NOS2: variants seen among roughly 807,000 people sequenced by gnomAD.
NOS2 encodes nitric oxide synthase 2, also known as nitric oxide synthase, inducible.
In NOS2, 96 loss-of-function variants were observed where a neutral mutation model predicts 136.0. The ratio of observed to expected loss-of-function variants is 0.71; its 90% confidence interval spans 0.60 to 0.84. NOS2 has a LOEUF of 0.84. NOS2 is among the 40% of genes least tolerant of loss of function. The pLI is 0.00. For synonymous variants in NOS2, 539 were observed against 587.5 expected (o/e 0.92, Z 1.20); for missense variants, 1,237 against 1,496.9 (o/e 0.83, Z 2.87).
chr17:27,780,690 G>A (rs535078977), intron 9 of NOS2, 77 bp downstream of exon 9: 3 of 1,596,088 alleles, frequency 1.9e-6, no homozygotes, highest in Non-Finnish European at 2.6e-6. Context: ...GTATGGGGAA[G>A]GCTGGAGCCG....
At chr17:27,764,523 A>C (rs1908235028) in intron 20 of NOS2, among the ~76,000 whole-genome samples, 1 of 152,246 alleles carries the variant, frequency 6.6e-6, no homozygotes, top group Non-Finnish European at 1.5e-5. Context: ...CCATGACTGC[A>C]GTCCCCTGGG....
chr17:27,769,086 T>C lies in NOS2; in HGVS notation c.1925A>G (p.Asp642Gly). Residue 642 changes from aspartate to glycine, a missense_variant, in exon 17 of 27, where the codon GAT becomes GGT. Transcript: ENST00000313735. ...GGCCCCCAGGTGGGACAGCTTCTGA[T>C]CAATGTCATGAGCAAAGGCGCAGAA... Reference protein sequence around the residue: ...PRFCAFAHDIDQKLSHLGASQ... With the variant: ...PRFCAFAHDIGQKLSHLGASQ... The C allele has an allele frequency of 6.2e-7, 1 of 1,612,972 alleles. No homozygotes were observed. Among genetic ancestry groups the C allele is most frequent in the South Asian group, 1.1e-5 (1 of 90,854 alleles).
intron 14 of NOS2, among the ~76,000 whole-genome samples, chr17:27,771,517 C>A (rs1161824466): frequency 1.3e-5 from 2 of 152,216 alleles, no homozygotes; most frequent in African/African-American, 4.8e-5. Flanking sequence ...GGCTTGGACC[C>A]AAGAGGTGTT....
intron 22 of NOS2, among the ~76,000 whole-genome samples, chr17:27,761,949 T>C (rs923444046): frequency 1.3e-5 from 2 of 152,306 alleles, no homozygotes; most frequent in Admixed American, 6.5e-5. Flanking sequence ...GCAGGGCAAA[T>C]AGAGTCTCTG....
intron 18 of NOS2, among the ~76,000 whole-genome samples, 196 bp from the exon 19 acceptor site, chr17:27,766,784 T>C (rs1338931326): frequency 6.6e-6 from 1 of 152,084 alleles, no homozygotes; most frequent in Non-Finnish European, 1.5e-5. Flanking sequence ...TGGTGGCTCA[T>C]GCCTGTAATC....
chr17:27,786,144 C>T (rs997978623), intron 5 of NOS2, among the ~76,000 whole-genome samples: 1 of 151,564 alleles, frequency 6.6e-6, no homozygotes, highest in Non-Finnish European at 1.5e-5. Context: ...ATTTCTGGGC[C>T]GGGCTCGGTG....
At position 27,794,696 on chromosome 17, in the gene NOS2, A is replaced by T. The variant is rs557631015; in HGVS notation, c.110+4004T>A. ...TTGCCTTTGTCCCTAAAATACACAC[A>T]TGCGTACACACACACGCGCACACAC... On this transcript the variant is annotated intron_variant, in intron 2 of 26. Transcript: ENST00000313735. Among the ~76,000 whole-genome samples, 10 of 148,718 alleles carry T rather than the reference A, an allele frequency of 6.7e-5. No homozygotes were observed. In the East Asian group the frequency reaches 1.8e-3, roughly 26 times the overall value.
intron 13 of NOS2, among the ~76,000 whole-genome samples, chr17:27,772,786 G>A (rs949710936): frequency 1.3e-5 from 2 of 152,102 alleles, no homozygotes; most frequent in Non-Finnish European, 2.9e-5. Flanking sequence ...TGTAATCCCA[G>A]CACTTTGGGA....
intron 25 of NOS2, 82 bp from the exon 26 acceptor site, chr17:27,759,157 C>A (rs183352670): frequency 1.9e-6 from 2 of 1,030,076 alleles, no homozygotes; most frequent in East Asian, 5.9e-5. Context: ...CTCAAGGAGG[C>A]GGGGAGAGGG....
At chr17:27,790,851 T>C (rs1454352726) in intron 2 of NOS2, among the ~76,000 whole-genome samples, 1 of 152,222 alleles carries the variant, frequency 6.6e-6, no homozygotes, top group Admixed American at 6.5e-5. Flanking sequence ...CACTCACACA[T>C]GCCTCCCCTA....
At chr17:27,799,387 C>G (rs1394127093) in intron 1 of NOS2, among the ~76,000 whole-genome samples, 6 of 152,216 alleles carry the variant, frequency 3.9e-5, no homozygotes, top group Non-Finnish European at 8.8e-5. Context: ...TGTTCTAACT[C>G]AGCATTATTA....
At chr17:27,760,225 G>T (rs1465742335) in intron 24 of NOS2, 47 bp from the exon 25 acceptor site, 2 of 1,495,078 alleles carry the variant, frequency 1.3e-6, no homozygotes, top group African/African-American at 2.8e-5. Flanking sequence ...ACCAGAGGGC[G>T]CCAGGGCTCC....
chr17:27,778,654 CAA>C, intron 11 of NOS2, 34 bp downstream of exon 11: 1 of 1,551,902 alleles, frequency 6.4e-7, no homozygotes, highest in Non-Finnish European at 8.9e-7. Flanking sequence ...AGCTTCTCAC[CAA>C]AAAGTCTTCA....
At chr17:27,782,896 G>T (rs1039891518) in intron 6 of NOS2, 48 bp downstream of exon 6, 23 of 1,595,628 alleles carry the variant, frequency 1.4e-5, no homozygotes, top group Non-Finnish European at 2.0e-5. Context: ...ATCTGCTCAG[G>T]GCCTGGCCGC....
At chr17:27,791,668 T>C (rs1909183261) in intron 2 of NOS2, among the ~76,000 whole-genome samples, 2 of 151,986 alleles carry the variant, frequency 1.3e-5, no homozygotes, top group Middle Eastern at 3.2e-3. Flanking sequence ...CCTGTACCTA[T>C]TGAGATGGTC....
chr17:27,774,532 A>C (rs1378598862), intron 11 of NOS2, 81 bp from the exon 12 acceptor site: 1 of 1,132,426 alleles, frequency 8.8e-7, no homozygotes, highest in Admixed American at 3.0e-5. Flanking sequence ...GGGCTCCCAG[A>C]GAGTGCCTGG....
chr17:27,759,139 C>A (rs1908028081), intron 25 of NOS2, 64 bp from the exon 26 acceptor site: 6 of 1,273,656 alleles, frequency 4.7e-6, no homozygotes, highest in Non-Finnish European at 6.3e-6. Flanking sequence ...GCAGGCAGGC[C>A]TGCTGGCCTC....
chr17:27,783,599 C>T (rs764392596), intron 5 of NOS2, among the ~76,000 whole-genome samples: 3 of 152,160 alleles, frequency 2.0e-5, no homozygotes, highest in African/African-American at 7.2e-5. Context: ...GTGGCAGCTC[C>T]GGTGTACTGG....
chr17:27,794,550 C>T (rs987489083), intron 2 of NOS2, among the ~76,000 whole-genome samples: 4 of 152,164 alleles, frequency 2.6e-5, no homozygotes, highest in South Asian at 2.1e-4. Context: ...AATCCCGAAC[C>T]CCAGTTAAAG....
Sources: allele counts gnomAD v4.1 joint callset (sites outside exome capture counted in the v4.1 genomes callset), GRCh38; gene constraint gnomAD v4.1.1; transcripts MANE v1.5; gene names NCBI Gene and HGNC (gene_info 2026-07-23, HGNC 2026-07-21).